Variants in PARD3B observed in about 807,000 individuals in gnomAD.
The protein encoded by PARD3B is par-3 family cell polarity regulator beta.
PARD3B carries 103 observed loss-of-function variants against 130.2 expected under a neutral mutation model. The ratio of observed to expected loss-of-function variants is 0.79; its 90% confidence interval spans 0.67 to 0.93. The LOEUF (loss-of-function observed/expected upper bound fraction) is 0.93, where lower values mean the gene tolerates loss of function less well. PARD3B is among the 40% of genes least tolerant of loss of function. The probability of loss-of-function intolerance (pLI) is 0.00; values close to 1 mark genes in which losing one functional copy is unlikely to be tolerated. For synonymous variants in PARD3B, 583 were observed against 553.2 expected, an observed-to-expected ratio of 1.05 and a Z score of -0.76; for missense variants, 1,609 against 1,499.2, an observed-to-expected ratio of 1.07 and a Z score of -1.21.
At chr2:205,379,517 C>G (rs1405454518) in intron 18 of PARD3B, among the ~76,000 whole-genome samples, 2 of 151,684 alleles carry the variant, frequency 1.3e-5, no homozygotes, top group Admixed American at 1.3e-4. Flanking sequence ...TGATTTTGAC[C>G]AGTATATTGG....
At position 205,572,789 on chromosome 2, in the gene PARD3B, C is replaced by T. The variant is rs183615222; in HGVS notation, c.3260+19386C>T. 2.0e-5 allele frequency among the ~76,000 whole-genome samples: 3 copies of T among 152,212 alleles called. No individual in the cohort carries two copies. The highest frequency in any genetic ancestry group is 2.1e-4 in the South Asian group (1 of 4,810). On this transcript the variant is annotated intron_variant, in intron 22 of 22. Coordinates refer to ENST00000406610, the MANE Select transcript of PARD3B (RefSeq NM_001302769.2). The surrounding 1 kb of genome is among the most constrained non-coding windows in gnomAD (Gnocchi z 4.2). Reference sequence around the variant, plus strand: ...GAGACAAGACTACAATCAGGAAGGGCATTGTGAAACTGTTTATGTGGTCCC... The same window carrying T: ...GAGACAAGACTACAATCAGGAAGGGTATTGTGAAACTGTTTATGTGGTCCC...
intron 1 of PARD3B, among the ~76,000 whole-genome samples, chr2:204,668,349 A>G (rs940639746): frequency 6.6e-6 from 1 of 152,120 alleles, no homozygotes; most frequent in Non-Finnish European, 1.5e-5. Context: ...TTATTGACTC[A>G]GTTAGTTTAC....
At chr2:205,296,805 T>C (rs2041812330) in intron 16 of PARD3B, among the ~76,000 whole-genome samples, 1 of 151,686 alleles carries the variant, frequency 6.6e-6, no homozygotes, top group Non-Finnish European at 1.5e-5. Context: ...CTCTACTCTA[T>C]ATAGGACCAT....
chr2:205,207,405 T>G (rs1381502685), intron 15 of PARD3B, among the ~76,000 whole-genome samples: 3 of 148,374 alleles, frequency 2.0e-5, no homozygotes, highest in Non-Finnish European at 3.0e-5. Flanking sequence ...CAAAAAACCC[T>G]TCAAAAAATT....
intron 3 of PARD3B, among the ~76,000 whole-genome samples, chr2:205,039,839 C>T (rs560384906): frequency 1.3e-5 from 2 of 152,314 alleles, no homozygotes; most frequent in African/African-American, 4.8e-5. Flanking sequence ...CTTCTATGCA[C>T]TTACCCAGAT....
chr2:205,330,035 A>AAATAAATAAATAAAT (rs1400429684), intron 18 of PARD3B, among the ~76,000 whole-genome samples: 2 of 7,852 alleles, frequency 2.5e-4, no homozygotes, highest in African/African-American at 3.2e-4. Context: ...ATAAATAAAT[A>AAATAAATAAATAAAT]AAATAAAATA....
intron 20 of PARD3B, among the ~76,000 whole-genome samples, chr2:205,496,922 T>G (rs1217735240): frequency 6.6e-6 from 1 of 152,028 alleles, no homozygotes; most frequent in East Asian, 1.9e-4. Context: ...CCATGTTGAT[T>G]GAACTCATCT....
At chr2:205,153,826 G>A (rs1005008064) in intron 10 of PARD3B, among the ~76,000 whole-genome samples, 5 of 152,262 alleles carry the variant, frequency 3.3e-5, no homozygotes, top group African/African-American at 1.2e-4. Context: ...ATGGTGCTGG[G>A]AAAACTGGCT....
rs545401423 is a variant in PARD3B at position 204,708,677 on chromosome 2, T to C, written c.222+22395T>C. On this transcript the variant is annotated intron_variant, in intron 2 of 22. Transcript: ENST00000406610. ...CTAGGGATTTACATCCTAAGTCTCA[T>C]GTAAAATTCTTCTCATAGAATTGTA... 2.6e-5 allele frequency among the ~76,000 whole-genome samples: 4 copies of C among 152,370 alleles called. No homozygotes were observed. In the South Asian group the frequency reaches 8.3e-4, roughly 32 times the overall value.
intron 19 of PARD3B, among the ~76,000 whole-genome samples, chr2:205,430,035 C>T (rs2047276084): frequency 1.3e-5 from 2 of 152,258 alleles, no homozygotes. Context: ...AGATGTAGAG[C>T]CTATATGGAT....
chr2:204,989,544 T>G (rs1367491963), intron 3 of PARD3B, among the ~76,000 whole-genome samples: 1 of 152,164 alleles, frequency 6.6e-6, no homozygotes, highest in East Asian at 1.9e-4. Flanking sequence ...TGGGCTGTCA[T>G]TATCTTTGAA....
chr2:205,317,586 T>C (rs2042604787), intron 18 of PARD3B, among the ~76,000 whole-genome samples: 1 of 152,198 alleles, frequency 6.6e-6, no homozygotes, highest in African/African-American at 2.4e-5. Context: ...TTAAGGAAAG[T>C]GGGCCAGTCG....
chr2:205,058,203 G>C (rs1312055835), intron 4 of PARD3B, among the ~76,000 whole-genome samples: 1 of 151,574 alleles, frequency 6.6e-6, no homozygotes, highest in Non-Finnish European at 1.5e-5. Context: ...TTTTTGACTG[G>C]CTTATTTTAC....
chr2:205,296,550 C>T (rs995455491), intron 16 of PARD3B, among the ~76,000 whole-genome samples: 2 of 152,096 alleles, frequency 1.3e-5, no homozygotes, highest in African/African-American at 4.8e-5. Flanking sequence ...GGCACCTCTC[C>T]AACTAGGTGG....
At chr2:205,538,590 T>G (rs1171302348) in intron 21 of PARD3B, among the ~76,000 whole-genome samples, 1 of 151,828 alleles carries the variant, frequency 6.6e-6, no homozygotes, top group Non-Finnish European at 1.5e-5. Context: ...AAAGTAAGAG[T>G]TCTCTCTCTA....
In PARD3B at chr2:205,224,010, G is replaced by A. The variant is rs529994557; in HGVS notation, c.2141-21768G>A. On this transcript the variant is annotated intron_variant, in intron 15 of 22. Coordinates refer to ENST00000406610, the MANE Select transcript of PARD3B (RefSeq NM_001302769.2). ...ACCCAGGAGGTGGAGCTTACAGTGA[G>A]CCAAGATCACACCACTGCACTCCAG... 2.9e-4 allele frequency among the ~76,000 whole-genome samples: 43 copies of A among 150,630 alleles called. No homozygotes were observed. The South Asian group carries it at 8.2e-3, about 29-fold the overall frequency.
chr2:204,940,407 C>T (rs1688807914), intron 2 of PARD3B, among the ~76,000 whole-genome samples: 1 of 151,642 alleles, frequency 6.6e-6, no homozygotes, highest in Admixed American at 6.6e-5. Context: ...CTCCAGCCTC[C>T]AGCATTGACA....
At chr2:204,755,469 C>T (rs978683938) in intron 2 of PARD3B, among the ~76,000 whole-genome samples, 4 of 152,174 alleles carry the variant, frequency 2.6e-5, no homozygotes, top group Non-Finnish European at 5.9e-5. Flanking sequence ...CAAACTCTTA[C>T]GATAAATGGG....
In PARD3B at chr2:205,363,019, A is replaced by G. The variant is rs572381724; in HGVS notation, c.2631-37994A>G. 5.9e-5 allele frequency among the ~76,000 whole-genome samples: 9 copies of G among 152,160 alleles called. No individual in the cohort carries two copies. The South Asian group carries it at 1.7e-3, about 28-fold the overall frequency. The stretch of plus-strand genomic sequence containing the variant: ...AGTGCTGCGACTGGGGGAGTCAGGG[A>G]GGCTCTCTGCCCCTTGCCAAAGCTG... On this transcript the variant is annotated intron_variant, in intron 18 of 22. Coordinates refer to ENST00000406610, the MANE Select transcript of PARD3B (RefSeq NM_001302769.2).
Sources: gnomAD v4.1 joint callset for allele counts (sites outside exome capture counted in the v4.1 genomes callset) on GRCh38, gnomAD v4.1.1 for gene constraint, Gnocchi (gnomAD v3.1) non-coding constraint, MANE v1.5 for transcripts, NCBI Gene and HGNC (gene_info 2026-07-23, HGNC 2026-07-21) for gene names.